Variants in CD4 observed in about 807,000 individuals in gnomAD.
The protein encoded by CD4 is CD4 molecule, also known as T-cell surface glycoprotein CD4.
CD4 carries 25 observed loss-of-function variants against 50.5 expected under a neutral mutation model. The observed-to-expected ratio is 0.49, with a 90% CI of 0.36 to 0.69. The LOEUF (loss-of-function observed/expected upper bound fraction) is 0.69, where lower values mean the gene tolerates loss of function less well. Among genes scored for constraint, CD4 ranks in the 30% least tolerant of loss-of-function variants. The pLI is 0.00. For synonymous variants in CD4, 207 were observed against 221.9 expected (o/e 0.93, Z 0.60); for missense variants, 456 against 548.5 (o/e 0.83, Z 1.68).
At chr12:6,812,537 G>A (rs1257382721) in intron 3 of CD4, among the ~76,000 whole-genome samples, 1 of 151,910 alleles carries the variant, frequency 6.6e-6, no homozygotes, top group African/African-American at 2.4e-5. Context: ...AAATTAGCCG[G>A]GCTTGGTTGC....
intron 1 of CD4, among the ~76,000 whole-genome samples, chr12:6,797,177 G>A (rs1942397873): frequency 6.6e-6 from 1 of 152,074 alleles, no homozygotes; most frequent in Non-Finnish European, 1.5e-5. Flanking sequence ...AGGACTTTGG[G>A]AATCGCTCCT....
chr12:6,818,079 T>A lies in CD4; in HGVS notation c.1157-342T>A, dbSNP rs1172089887. Among the ~76,000 whole-genome samples, 2 of 121,140 alleles carry A rather than the reference T, an allele frequency of 1.7e-5. No homozygotes were observed. The allele number at this position is 121,140 out of a possible 152,430, so 79.5% of individuals were successfully genotyped here. On this transcript the variant is annotated intron_variant, in intron 7 of 9. Coordinates refer to ENST00000011653, the MANE Select transcript of CD4 (RefSeq NM_000616.5). The surrounding 1 kb of genome is among the most constrained non-coding windows in gnomAD (Gnocchi z 5.0). ...GCACACACGCACACACATTCACACA[T>A]GGACTCACACGCGCACACGCGCGCA...
chr12:6,793,453 C>A (rs534219015), intron 1 of CD4, among the ~76,000 whole-genome samples: 12 of 152,244 alleles, frequency 7.9e-5, no homozygotes, highest in Admixed American at 2.6e-4. Flanking sequence ...CAGTGGGAAC[C>A]ACTCTTTGGT....
At chr12:6,808,079 C>CAAAAAAAA (rs34876182) in intron 3 of CD4, among the ~76,000 whole-genome samples, 14 of 70,138 alleles carry the variant, frequency 2.0e-4, no homozygotes, top group African/African-American at 5.4e-4. Context: ...GGCTCTTTCT[C>CAAAAAAAA]AAAAAAAAAA....
chr12:6,799,932 A>T (rs1555114918), intron 1 of CD4, 140 bp from the exon 2 acceptor site: 1 of 577,600 alleles, frequency 1.7e-6, no homozygotes, highest in Non-Finnish European at 3.1e-6. Flanking sequence ...CCTTAATCCA[A>T]CCTCCAATTC....
intron 3 of CD4, among the ~76,000 whole-genome samples, chr12:6,810,983 G>T (rs1455995576): frequency 1.3e-5 from 2 of 152,130 alleles, no homozygotes; most frequent in African/African-American, 4.8e-5. Flanking sequence ...GAGGCTGTGA[G>T]GTTGTCTGGA....
At chr12:6,806,883 T>C (rs997342607) in intron 3 of CD4, among the ~76,000 whole-genome samples, 5 of 152,128 alleles carry the variant, frequency 3.3e-5, no homozygotes, top group Admixed American at 6.5e-5. Context: ...AAACAAAACA[T>C]GCGGCCGGGC....
intron 3 of CD4, among the ~76,000 whole-genome samples, chr12:6,802,858 C>A (rs1313735816): frequency 6.6e-6 from 1 of 151,582 alleles, no homozygotes; most frequent in Non-Finnish European, 1.5e-5. Flanking sequence ...CTCAGCCTCC[C>A]GAGTAGCTGG....
Position 6,792,847 on chromosome 12 carries a change from G to T in CD4, c.-68+3185G>T, listed in dbSNP as rs562877894. Among the ~76,000 whole-genome samples, 9 of 152,292 alleles carry T rather than the reference G, an allele frequency of 5.9e-5. No individual in the cohort carries two copies. In the South Asian group the frequency reaches 1.4e-3, roughly 25 times the overall value. ...GAGCCAGCACGGCCGCCTGGTATAT[G>T]AGGCAAAGAGGAAGACAGACACAGA... On this transcript the variant is annotated intron_variant, in intron 1 of 9. Coordinates refer to ENST00000011653, the MANE Select transcript of CD4 (RefSeq NM_000616.5). This position sits in a 1 kb window ranked among gnomAD's most constrained non-coding sequence, Gnocchi z 4.1.
chr12:6,817,712 TCACACACG>T (rs782194010), intron 7 of CD4, among the ~76,000 whole-genome samples: 9 of 145,292 alleles, frequency 6.2e-5, no homozygotes, highest in Non-Finnish European at 1.4e-4. Context: ...CCATACACTC[TCACACACG>T]CACACACATC....
At chr12:6,790,677 G>A (rs959261414) in intron 1 of CD4, among the ~76,000 whole-genome samples, 2 of 152,138 alleles carry the variant, frequency 1.3e-5, no homozygotes, top group African/African-American at 2.4e-5. Flanking sequence ...CAGCCTTTCC[G>A]CCCTCAGACC....
chr12:6,798,180 T>TCC (rs1686298340), intron 1 of CD4, among the ~76,000 whole-genome samples: 1 of 151,402 alleles, frequency 6.6e-6, no homozygotes, highest in Non-Finnish European at 1.5e-5. Flanking sequence ...TTCTTTTTTT[T>TCC]TTTTTTTGAG....
Position 6,818,636 on chromosome 12 carries a change from TC to T in CD4, c.1278+97del. 6.7e-7 allele frequency: 1 copy of T among 1,500,278 alleles called. No individual in the cohort carries two copies. Among genetic ancestry groups the T allele is most frequent in the Non-Finnish European group, 9.2e-7 (1 of 1,088,436 alleles). The allele number at this position is 1,500,278 out of a possible 1,614,324, so 92.9% of individuals were successfully genotyped here. ...ATATGGGAACTGATTTTGGCCCAGCTCCCTCTGCCCACTCGTAAGTTCCCTT... is the reference window on the plus strand; with the variant it reads ...ATATGGGAACTGATTTTGGCCCAGCTCCTCTGCCCACTCGTAAGTTCCCTT... On this transcript the variant is annotated intron_variant, in intron 8 of 9. Coordinates refer to ENST00000011653, the MANE Select transcript of CD4 (RefSeq NM_000616.5). The surrounding 1 kb of genome is among the most constrained non-coding windows in gnomAD (Gnocchi z 5.0).
chr12:6,813,205 G>A (rs782443006), intron 3 of CD4, among the ~76,000 whole-genome samples: 13 of 149,824 alleles, frequency 8.7e-5, no homozygotes, highest in African/African-American at 3.0e-4. Flanking sequence ...CTCCCAAGGC[G>A]GCTAATTAAA....
At chr12:6,801,500 G>C (rs1331600331) in intron 3 of CD4, among the ~76,000 whole-genome samples, 1 of 133,066 alleles carries the variant, frequency 7.5e-6, no homozygotes, top group Non-Finnish European at 1.6e-5. Context: ...CTGGGTGACA[G>C]AGCAAGACTT....
intron 1 of CD4, among the ~76,000 whole-genome samples, chr12:6,799,802 G>A (rs1397378466): frequency 2.6e-5 from 4 of 152,088 alleles, no homozygotes; most frequent in African/African-American, 9.7e-5. Context: ...CATCTCTTAG[G>A]AGCTGCTCCT....
chr12:6,793,704 C>CTATCTT (rs1555113950), intron 1 of CD4, among the ~76,000 whole-genome samples: 9 of 31,118 alleles, frequency 2.9e-4, no homozygotes, highest in South Asian at 1.6e-3. Context: ...ATCTATCTAT[C>CTATCTT]TTTTTTTTTT....
intron 3 of CD4, among the ~76,000 whole-genome samples, chr12:6,805,657 G>A (rs1555116049): frequency 6.6e-6 from 1 of 151,978 alleles, no homozygotes; most frequent in Non-Finnish European, 1.5e-5. Flanking sequence ...AATATATGGA[G>A]AGACATGCTG....
In CD4 at chr12:6,819,451, A is replaced by G. The variant is rs1943212709; in HGVS notation, c.*122A>G. 1 of 921,698 alleles carries G rather than the reference A, an allele frequency of 1.1e-6. No individual in the cohort carries two copies. Among genetic ancestry groups the G allele is most frequent in the Admixed American group, 1.8e-5 (1 of 54,496 alleles). 57.1% of individuals were successfully genotyped at this position (921,698 alleles called of 1,614,324 possible). On this transcript the variant is annotated 3_prime_UTR_variant, in exon 10 of 10. Transcript: ENST00000011653. Reference sequence around the variant, plus strand: ...CTGGCCTCCTGTTCGCCTCCTCTACAATTTGCCATTGTTTCTCCTGGGTTA... The same window carrying G: ...CTGGCCTCCTGTTCGCCTCCTCTACGATTTGCCATTGTTTCTCCTGGGTTA...
Sources: gnomAD v4.1 joint callset for allele counts (sites outside exome capture counted in the v4.1 genomes callset) on GRCh38, gnomAD v4.1.1 for gene constraint, Gnocchi (gnomAD v3.1) non-coding constraint, MANE v1.5 for transcripts, NCBI Gene and HGNC (gene_info 2026-07-23, HGNC 2026-07-21) for gene names.